The following ELMOD2 variants were observed in gnomAD, a reference collection of about 807,000 sequenced individuals.
ELMOD2 encodes ELMO domain containing 2.
Under a neutral mutation model 41.0 loss-of-function variants are expected in ELMOD2, and 28 were observed. The ratio of observed to expected loss-of-function variants is 0.68; its 90% confidence interval spans 0.51 to 0.94. ELMOD2 has a LOEUF of 0.94. Among genes scored for constraint, ELMOD2 ranks in the 40% least tolerant of loss-of-function variants. The pLI is 0.00. For missense variants in ELMOD2, 333 were observed against 343.1 expected (o/e 0.97, Z 0.23); for synonymous variants, 106 against 107.2 (o/e 0.99, Z 0.07).
chr4:140,527,380 T>C, intron 2 of ELMOD2, 86 bp from the exon 3 acceptor site: 3 of 1,029,982 alleles, frequency 2.9e-6, no homozygotes, highest in Non-Finnish European at 4.4e-6. Flanking sequence ...GTTACTGGTT[T>C]GATATTTTTA....
intron 2 of ELMOD2, among the ~76,000 whole-genome samples, chr4:140,526,402 G>C (rs1419077381): frequency 6.6e-6 from 1 of 152,170 alleles, no homozygotes; most frequent in African/African-American, 2.4e-5. Flanking sequence ...TCTAAAATTT[G>C]AACACAGATG....
At chr4:140,542,129 A>C (rs1735123335) in intron 6 of ELMOD2, among the ~76,000 whole-genome samples, 4 of 151,968 alleles carry the variant, frequency 2.6e-5, no homozygotes, top group Admixed American at 2.0e-4. Context: ...CTCATTGCAA[A>C]AAGATTGTTG....
At chr4:140,542,296 GTTT>G in intron 6 of ELMOD2, 2 of 196,242 alleles carry the variant, frequency 1.0e-5, no homozygotes, top group Non-Finnish European at 9.9e-6. Flanking sequence ...AACTTTGGTT[GTTT>G]TTTTTTTTTA....
chr4:140,538,793 C>G (rs756209875), intron 5 of ELMOD2, among the ~76,000 whole-genome samples: 2 of 152,172 alleles, frequency 1.3e-5, no homozygotes, highest in Non-Finnish European at 2.9e-5. Context: ...ACCACCTTTA[C>G]TAGCGTTAAA....
chr4:140,527,766 C>T (rs1734616678), intron 3 of ELMOD2: 1 of 360,036 alleles, frequency 2.8e-6, no homozygotes, highest in Non-Finnish European at 5.0e-6. Context: ...GAAAGCAGGG[C>T]CTTAGGAGGA....
chr4:140,547,433 T>C (rs1232897493), intron 8 of ELMOD2, among the ~76,000 whole-genome samples: 1 of 152,112 alleles, frequency 6.6e-6, no homozygotes, highest in African/African-American at 2.4e-5. Flanking sequence ...GGGCTCAGGA[T>C]TTTGGGACCT....
intron 2 of ELMOD2, 91 bp downstream of exon 2, chr4:140,525,661 C>T (rs1440430144): frequency 1.5e-5 from 21 of 1,367,824 alleles, no homozygotes; most frequent in Non-Finnish European, 1.9e-5. Context: ...TCTTTTGTAT[C>T]CTGACAAGTC....
intron 6 of ELMOD2, among the ~76,000 whole-genome samples, chr4:140,542,194 G>C (rs745598268): frequency 6.6e-6 from 1 of 151,728 alleles, no homozygotes; most frequent in Non-Finnish European, 1.5e-5. Context: ...TTAAATTGTA[G>C]TAGAAGGAAT....
In ELMOD2 at chr4:140,550,235, C is replaced by T; in HGVS notation, c.742C>T (p.Leu248Phe). The T allele has an allele frequency of 6.2e-7, 1 of 1,608,142 alleles. No homozygotes were observed. The highest frequency in any genetic ancestry group is 8.5e-7 in the Non-Finnish European group (1 of 1,176,960). ...MEHFHQFYCY[L>F]VYEFDKFWFE... ...TTGTTTTTCTTTAACTGCAGGTTAT[C>T]TTGTCTATGAATTTGACAAGTTTTG... Residue 248 changes from leucine to phenylalanine, a missense_variant, in exon 9 of 9, where the codon CTT (leucine) becomes TTT (phenylalanine). Physicochemically the swap from Leu to Phe is conservative, Grantham distance 22. Coordinates refer to ENST00000323570, the MANE Select transcript of ELMOD2 (RefSeq NM_153702.4).
Position 140,537,478 on chromosome 4 carries a change from A to G in ELMOD2, c.336A>G (p.Val112=). ...GTTATAAACAGCTGTATTTGGATGT[A>G]GAAAGTGTGAGGAAAAGGCCATATG... ...ITGYKQLYLD[V]ESVRKRPYDS... Residue 112 remains valine, a synonymous_variant, in exon 5 of 9, where the codon GTA becomes GTG. Transcript: ENST00000323570. The G allele has an allele frequency of 6.3e-7, 1 of 1,584,862 alleles. No homozygotes were observed. Among genetic ancestry groups the G allele is most frequent in the East Asian group, 2.4e-5 (1 of 42,258 alleles).
At chr4:140,525,331 T>C in intron 1 of ELMOD2, 89 bp from the exon 2 acceptor site, 1 of 1,324,404 alleles carries the variant, frequency 7.6e-7, no homozygotes. Context: ...AGATACATAA[T>C]TTGAGATTTG....
Position 140,535,740 on chromosome 4 carries a change from A to G in ELMOD2, c.179A>G (p.Gln60Arg), listed in dbSNP as rs1254715695. The G allele has an allele frequency of 6.2e-7, 1 of 1,607,718 alleles. No individual in the cohort carries two copies. Among genetic ancestry groups the G allele is most frequent in the Non-Finnish European group, 8.5e-7 (1 of 1,178,414 alleles). The stretch of plus-strand genomic sequence containing the variant: ...TTTCTTTTACATAAATAGGTTTTAC[A>G]GAAGGCGACACATGTTGTTCAGAGT... ...SLTYSKNKVLQKATHVVQSEV... is the reference protein window; with the variant it reads ...SLTYSKNKVLRKATHVVQSEV... The change falls in exon 4 of 9, where the codon CAG becomes CGG. Residue 60 changes from glutamine (Q) to arginine (R), a missense_variant. By Grantham distance (43) the Gln-to-Arg change is conservative. Coordinates refer to ENST00000323570, the MANE Select transcript of ELMOD2 (RefSeq NM_153702.4).
At position 140,550,925 on chromosome 4, in the gene ELMOD2, A is replaced by G. The variant is rs1350515156; in HGVS notation, c.*550A>G. On this transcript the variant is annotated 3_prime_UTR_variant, in exon 9 of 9. Transcript: ENST00000323570. ...AGAGCAGAGATACAGCAGAGAGAAT[A>G]AAGAATTAGGGCCTCCTTTTGGGTT... 1 of 152,280 alleles carries G rather than the reference A, an allele frequency of 6.6e-6. No homozygotes were observed. Among genetic ancestry groups the G allele is most frequent in the Non-Finnish European group, 1.5e-5 (1 of 68,084 alleles). 9.4% of individuals were successfully genotyped at this position (152,280 alleles called of 1,614,324 possible). A position where few individuals can be genotyped will look rare whatever the true frequency, so the allele number is the denominator to read the frequency against.
At position 140,553,001 on chromosome 4, in the gene ELMOD2, A is replaced by G. The variant is rs1429710093; in HGVS notation, c.*2626A>G. 6.6e-6 allele frequency: 1 copy of G among 152,094 alleles called. No homozygotes were observed. The highest frequency in any genetic ancestry group is 1.9e-4 in the East Asian group (1 of 5,194). The allele number at this position is 152,094 out of a possible 1,614,324, so 9.4% of individuals were successfully genotyped here. On this transcript the variant is annotated 3_prime_UTR_variant, in exon 9 of 9. Transcript: ENST00000323570. ...ACTGGCACCATTTACAGTTTAGAAA[A>G]CAATCTTTTTCTTAAAAATGCCCAT...
chr4:140,533,482 T>G (rs1440342232), intron 3 of ELMOD2, among the ~76,000 whole-genome samples: 2 of 152,088 alleles, frequency 1.3e-5, no homozygotes, highest in Non-Finnish European at 2.9e-5. Context: ...TCAACTTCAA[T>G]CTCTTACCAT....
intron 1 of ELMOD2, chr4:140,524,521 T>C: frequency 1.1e-6 from 1 of 881,162 alleles, no homozygotes; most frequent in Non-Finnish European, 1.4e-6. Flanking sequence ...TCGGCAGTTC[T>C]GCGCTTTTGT....
At position 140,531,452 on chromosome 4, in the gene ELMOD2, A is replaced by G. The variant is rs149028653; in HGVS notation, c.171+3958A>G. ...TCTGGCTTCCATGCAATATATGACAATGGAGCAAAGCTCCACTGTACTTAC... is the reference window on the plus strand; with the variant it reads ...TCTGGCTTCCATGCAATATATGACAGTGGAGCAAAGCTCCACTGTACTTAC... On this transcript the variant is annotated intron_variant, in intron 3 of 8. Coordinates refer to ENST00000323570, the MANE Select transcript of ELMOD2 (RefSeq NM_153702.4). Among the ~76,000 whole-genome samples, 60 of 152,354 alleles carry G rather than the reference A, an allele frequency of 3.9e-4. No homozygotes were observed. In the East Asian group the frequency reaches 8.5e-3, roughly 22 times the overall value.
intron 8 of ELMOD2, among the ~76,000 whole-genome samples, 175 bp from the exon 9 acceptor site, chr4:140,550,055 A>C (rs1735421834): frequency 6.6e-6 from 1 of 152,100 alleles, no homozygotes; most frequent in African/African-American, 2.4e-5. Flanking sequence ...ATATACACTA[A>C]ATCGTTTATT....
chr4:140,552,856 A>G lies in ELMOD2; in HGVS notation c.*2481A>G, dbSNP rs1212924235. 6.6e-6 allele frequency: 1 copy of G among 152,108 alleles called. No individual in the cohort carries two copies. Among genetic ancestry groups the G allele is most frequent in the Non-Finnish European group, 1.5e-5 (1 of 67,980 alleles). 9.4% of individuals were successfully genotyped at this position (152,108 alleles called of 1,614,324 possible). A position where few individuals can be genotyped will look rare whatever the true frequency, so the allele number is the denominator to read the frequency against. On this transcript the variant is annotated 3_prime_UTR_variant, in exon 9 of 9. Coordinates refer to ENST00000323570, the MANE Select transcript of ELMOD2 (RefSeq NM_153702.4). ...TAAAAAATTAACAGTTATGGTTTTAATAGGATCTGAAAGACAATCTTTAAA... is the reference window on the plus strand; with the variant it reads ...TAAAAAATTAACAGTTATGGTTTTAGTAGGATCTGAAAGACAATCTTTAAA...
Sources: gnomAD v4.1 joint callset for allele counts (sites outside exome capture counted in the v4.1 genomes callset) on GRCh38, gnomAD v4.1.1 for gene constraint, MANE v1.5 for transcripts, NCBI Gene and HGNC (gene_info 2026-07-23, HGNC 2026-07-21) for gene names.